The following CEP135 variants were observed in gnomAD, a reference collection of about 807,000 sequenced individuals.
CEP135 encodes centrosomal protein of 135 kDa.
CEP135 carries 142 observed loss-of-function variants against 157.3 expected under a neutral mutation model. The ratio of observed to expected loss-of-function variants is 0.90; its 90% CI spans 0.79 to 1.04. The LOEUF (loss-of-function observed/expected upper bound fraction) is 1.04, where lower values mean the gene tolerates loss of function less well. Ranked by LOEUF, CEP135 falls within the 50% of genes least tolerant of loss-of-function variation. The pLI is 0.00. For synonymous variants in CEP135, 396 were observed against 439.8 expected, an observed-to-expected ratio of 0.90 and a Z score of 1.25; for missense variants, 1,317 against 1,309.2, an observed-to-expected ratio of 1.01 and a Z score of -0.09.
At chr4:56,020,826 C>A in intron 24 of CEP135, 46 bp downstream of exon 24, 1 of 1,360,738 alleles carries the variant, frequency 7.3e-7, no homozygotes, top group South Asian at 1.2e-5. Flanking sequence ...TATGTGTTCT[C>A]TATTGTACTT....
intron 3 of CEP135, 139 bp downstream of exon 3, chr4:55,953,414 C>A: frequency 1.7e-6 from 1 of 576,102 alleles, no homozygotes; most frequent in Non-Finnish European, 2.7e-6. Flanking sequence ...GCCTATAGTC[C>A]CAGCTACTCG....
chr4:55,969,602 A>G (rs1434831027), intron 9 of CEP135, among the ~76,000 whole-genome samples: 1 of 152,192 alleles, frequency 6.6e-6, no homozygotes, highest in Non-Finnish European at 1.5e-5. Flanking sequence ...AATATTTACA[A>G]GGTTCATGCA....
At chr4:56,003,443 A>C (rs1477401329) in intron 17 of CEP135, among the ~76,000 whole-genome samples, 7 of 151,788 alleles carry the variant, frequency 4.6e-5, no homozygotes, top group Non-Finnish European at 2.9e-5. Context: ...CTCCTGACCT[A>C]CTGATCCGCC....
At chr4:56,014,263 A>C (rs1203137111) in intron 21 of CEP135, among the ~76,000 whole-genome samples, 1 of 152,222 alleles carries the variant, frequency 6.6e-6, no homozygotes, top group Non-Finnish European at 1.5e-5. Flanking sequence ...ACACCTGAAA[A>C]TATGAAAGTG....
At position 55,951,828 on chromosome 4, in the gene CEP135, G is replaced by A. The variant is rs139796127; in HGVS notation, c.-45-258G>A. On this transcript the variant is annotated intron_variant, in intron 1 of 25. Transcript: ENST00000257287. ...CTCTGAGAAGTCTCTGCCTACTTCA[G>A]GCTTAGGAAAAATCTTTGTTTTCTC... Among the ~76,000 whole-genome samples the A allele has an allele frequency of 5.3e-5, 8 of 152,190 alleles. No individual in the cohort carries two copies. The East Asian group carries it at 1.5e-3, about 29-fold the overall frequency.
rs1260122627 is a variant in CEP135, at chr4:56,019,476, C to A, written c.3136C>A (p.His1046Asn). 1.2e-6 allele frequency: 2 copies of A among 1,613,942 alleles called. No individual in the cohort carries two copies. Among genetic ancestry groups the A allele is most frequent in the Non-Finnish European group, 1.7e-6 (2 of 1,179,922 alleles). ...LLATNRDKEF[H>N]SHLTSHEKDT... ...GGCTACAAACAGAGATAAAGAATTTCATTCTCACTTAACCTCCCACGAGAA... is the reference window on the plus strand; with the variant it reads ...GGCTACAAACAGAGATAAAGAATTTAATTCTCACTTAACCTCCCACGAGAA... The change falls in exon 23 of 26, where the codon CAT (histidine) becomes AAT (asparagine). Residue 1046 changes from histidine to asparagine, a missense_variant. Coordinates refer to ENST00000257287, the MANE Select transcript of CEP135 (RefSeq NM_025009.5).
chr4:55,966,349 G>A (rs1728844530), intron 8 of CEP135: 1 of 154,914 alleles, frequency 6.5e-6, no homozygotes, highest in East Asian at 1.9e-4. Context: ...CCGCCACCAT[G>A]CCCAGCTAAT....
At position 55,964,168 on chromosome 4, in the gene CEP135, C is replaced by T. The variant is rs1043617756; in HGVS notation, c.700-106C>T. 3 of 1,043,494 alleles carry T rather than the reference C, an allele frequency of 2.9e-6. No individual in the cohort carries two copies. The African/African-American group carries it at 4.8e-5, about 17-fold the overall frequency. The allele number at this position is 1,043,494 out of a possible 1,614,324, so 64.6% of individuals were successfully genotyped here. On this transcript the variant is annotated intron_variant, in intron 6 of 25. Transcript: ENST00000257287. ...CACAAATATGAATGTTAATCTCTTG[C>T]ATACATTGGTACATAAGAAAATATA...
intron 23 of CEP135, 56 bp downstream of exon 23, chr4:56,019,611 T>C: frequency 1.1e-5 from 16 of 1,454,788 alleles, no homozygotes; most frequent in Non-Finnish European, 1.5e-5. Context: ...GATAGTTTTT[T>C]AATTTTTTTG....
At position 55,999,480 on chromosome 4, in the gene CEP135, T is replaced by C. The variant is rs1730087809; in HGVS notation, c.2126-11T>C. 2 of 1,612,196 alleles carry C rather than the reference T, an allele frequency of 1.2e-6. No individual in the cohort carries two copies. Among genetic ancestry groups the C allele is most frequent in the Non-Finnish European group, 1.7e-6 (2 of 1,179,528 alleles). On this transcript the variant is annotated splice_polypyrimidine_tract_variant and intron_variant, in intron 16 of 25. Coordinates refer to ENST00000257287, the MANE Select transcript of CEP135 (RefSeq NM_025009.5). ...GTACTTTGTCTAACAAACATTTCTTTTCATTTGTAGATGAACTAAACCTTA... is the reference window on the plus strand; with the variant it reads ...GTACTTTGTCTAACAAACATTTCTTCTCATTTGTAGATGAACTAAACCTTA...
At chr4:55,982,399 T>G (rs2109686695) in intron 13 of CEP135, among the ~76,000 whole-genome samples, 1 of 152,302 alleles carries the variant, frequency 6.6e-6, no homozygotes, top group South Asian at 2.1e-4. Context: ...CAGTAGTGAA[T>G]AAAAGTTCTA....
intron 15 of CEP135, among the ~76,000 whole-genome samples, chr4:55,993,614 A>G (rs1387686732): frequency 1.3e-5 from 2 of 152,226 alleles, no homozygotes; most frequent in Admixed American, 1.3e-4. Flanking sequence ...TACAGATAAC[A>G]TGACATATTC....
intron 11 of CEP135, among the ~76,000 whole-genome samples, chr4:55,977,378 T>A (rs1729258696): frequency 6.6e-6 from 1 of 152,198 alleles, no homozygotes; most frequent in South Asian, 2.1e-4. Context: ...GAGTATGGTG[T>A]AGGCAGAAGT....
intron 25 of CEP135, among the ~76,000 whole-genome samples, chr4:56,028,879 T>TC (rs1731240193): frequency 6.6e-6 from 1 of 152,132 alleles, no homozygotes; most frequent in African/African-American, 2.4e-5. Context: ...TGCCTGGAGA[T>TC]AGTGTCAGAT....
rs554129997 is a variant in CEP135 at position 56,009,193 on chromosome 4, G to A, written c.2337-542G>A. ...TTTTTTGTTGTTGAGACGGAGTCTC[G>A]CTCTGTTGCCCAGGCTGGAGTGCAG... is the stretch of plus-strand genomic sequence containing the variant. On this transcript the variant is annotated intron_variant, in intron 18 of 25. Transcript: ENST00000257287. 1.8e-3 allele frequency among the ~76,000 whole-genome samples: 277 copies of A among 151,942 alleles called. 1 individual carries two copies. Among genetic ancestry groups the A allele is most frequent in the Non-Finnish European group, 2.4e-3 (166 of 67,990 alleles).
intron 24 of CEP135, among the ~76,000 whole-genome samples, chr4:56,021,938 G>A (rs372376986): frequency 5.9e-5 from 9 of 152,230 alleles, no homozygotes; most frequent in African/African-American, 2.2e-4. Flanking sequence ...GCCGAAGTGG[G>A]AGGATTGATT....
chr4:56,025,390 A>T (rs1057127403), intron 25 of CEP135, among the ~76,000 whole-genome samples: 1 of 152,212 alleles, frequency 6.6e-6, no homozygotes, highest in Non-Finnish European at 1.5e-5. Flanking sequence ...TTCAGGCTAC[A>T]AATAATAGGT....
At chr4:55,995,380 C>G (rs1378623865) in intron 15 of CEP135, among the ~76,000 whole-genome samples, 1 of 152,160 alleles carries the variant, frequency 6.6e-6, no homozygotes, top group East Asian at 1.9e-4. Flanking sequence ...TAGTCTGTCT[C>G]TAGTAATAAG....
intron 15 of CEP135, among the ~76,000 whole-genome samples, chr4:55,994,887 T>C (rs552058864): frequency 6.6e-6 from 1 of 152,200 alleles, no homozygotes; most frequent in East Asian, 1.9e-4. Context: ...GGTTTCACCA[T>C]GTTGGCCAGG....
Sources: allele counts gnomAD v4.1 joint callset (sites outside exome capture counted in the v4.1 genomes callset), GRCh38; gene constraint gnomAD v4.1.1; transcripts MANE v1.5; gene names NCBI Gene and HGNC (gene_info 2026-07-23, HGNC 2026-07-21).